CHODL: variants seen among roughly 807,000 people sequenced by gnomAD.
The protein encoded by CHODL is transmembrane protein MT75.
CHODL carries 29 observed loss-of-function variants against 34.5 expected under a neutral mutation model. The ratio of observed to expected loss-of-function variants is 0.84; its 90% confidence interval spans 0.63 to 1.15. The LOEUF is 1.15. Ranked by LOEUF, CHODL falls within the 50% of genes most tolerant of loss-of-function variation. The pLI is 0.00. For synonymous variants in CHODL, 125 were observed against 116.1 expected (o/e 1.08, Z -0.49); for missense variants, 332 against 332.5 (o/e 1.00, Z 0.01).
chr21:18,173,389 TA>T (rs2073255024), intron 2 of CHODL, among the ~76,000 whole-genome samples: 1 of 152,210 alleles, frequency 6.6e-6, no homozygotes, highest in South Asian at 2.1e-4. Context: ...CTACCTCCTA[TA>T]GTAAATTATA....
Position 18,109,738 on chromosome 21 carries a change from A to G in CHODL, c.-45+81767A>G, listed in dbSNP as rs186448329. Reference sequence around the variant, plus strand: ...GTCAGCAAGAGATTATTTCTCTTGCATGCAACAAAAATGGACAGAGAATGG... The same window carrying G: ...GTCAGCAAGAGATTATTTCTCTTGCGTGCAACAAAAATGGACAGAGAATGG... On this transcript the variant is annotated intron_variant, in intron 2 of 6. Coordinates refer to the CHODL transcript ENST00000400127. Among the ~76,000 whole-genome samples the G allele has an allele frequency of 4.2e-4, 64 of 152,292 alleles. 1 individual carries two copies. The East Asian group carries it at 0.011, about 25-fold the overall frequency.
At chr21:18,022,457 A>T (rs2064136737) in intron 1 of CHODL, 1 of 152,234 alleles carries the variant, frequency 6.6e-6, no homozygotes. Context: ...AAATGGGACA[A>T]GTTTTCAAAT....
rs2063569620 is a variant in CHODL, at chr21:17,966,019, A to G, written c.-145+48619A>G. On this transcript the variant is annotated intron_variant, in intron 1 of 6. Transcript: ENST00000400127. ...AAATTCCTATGTTCTTGTATATATC[A>G]CTATTGAAATATAATTTCTTAAATA... 2.0e-5 allele frequency among the ~76,000 whole-genome samples: 3 copies of G among 151,504 alleles called. 1 individual carries two copies. The highest frequency in any genetic ancestry group is 2.0e-4 in the Admixed American group (3 of 15,182).
chr21:17,937,467 C>T (rs966207025), intron 1 of CHODL, among the ~76,000 whole-genome samples: 9 of 152,208 alleles, frequency 5.9e-5, no homozygotes, highest in Non-Finnish European at 8.8e-5. Flanking sequence ...AGAAAGCTCA[C>T]GTTGAGGGTG....
At chr21:18,250,096 T>A (rs1408159162) in intron 1 of CHODL, among the ~76,000 whole-genome samples, 2 of 152,172 alleles carry the variant, frequency 1.3e-5, no homozygotes, top group Non-Finnish European at 2.9e-5. Flanking sequence ...ATTTGAGGCT[T>A]TTATTATTAG....
At chr21:17,926,780 T>C (rs1208021576) in intron 1 of CHODL, among the ~76,000 whole-genome samples, 2 of 152,164 alleles carry the variant, frequency 1.3e-5, no homozygotes, top group African/African-American at 4.8e-5. Flanking sequence ...ATCACCAAGT[T>C]ACTAAAGTGA....
Position 18,251,244 on chromosome 21 carries a change from G to A in CHODL, c.80-5265G>A, listed in dbSNP as rs182651423. On this transcript the variant is annotated intron_variant, in intron 1 of 5. Coordinates refer to ENST00000299295, the MANE Select transcript of CHODL (RefSeq NM_024944.3). ...AATCATCTACTTATTCATGGAAAGA[G>A]TGATGAAATCTTTGTTGTGACAGTG... Among the ~76,000 whole-genome samples, 828 of 150,482 alleles carry A rather than the reference G, an allele frequency of 5.5e-3. 6 individuals carry two copies. Among genetic ancestry groups the A allele is most frequent in the Admixed American group, 9.9e-3 (149 of 15,064 alleles).
chr21:18,110,013 G>T (rs982907465), intron 2 of CHODL, among the ~76,000 whole-genome samples: 5 of 152,184 alleles, frequency 3.3e-5, no homozygotes, highest in Admixed American at 2.6e-4. Context: ...AATGTGCTTT[G>T]CTGACAAGTC....
intron 2 of CHODL, among the ~76,000 whole-genome samples, chr21:18,163,396 TTTTG>T (rs1327955866): frequency 6.6e-6 from 1 of 152,142 alleles, no homozygotes; most frequent in African/African-American, 2.4e-5. Context: ...AATTAAACCA[TTTTG>T]TTTGTTCTTC....
intron 2 of CHODL, among the ~76,000 whole-genome samples, chr21:18,205,151 C>T (rs1044602304): frequency 6.6e-6 from 1 of 152,114 alleles, no homozygotes; most frequent in African/African-American, 2.4e-5. Context: ...AAGTGGGCCT[C>T]CTTGTGGTGT....
chr21:17,945,566 A>C (rs540838064), intron 1 of CHODL, among the ~76,000 whole-genome samples: 3 of 152,212 alleles, frequency 2.0e-5, no homozygotes, highest in Non-Finnish European at 2.9e-5. Context: ...GAGGAGTTAA[A>C]GAATGAAAAA....
chr21:18,201,905 C>T lies in CHODL; in HGVS notation c.-44-54604C>T, dbSNP rs377532518. On this transcript the variant is annotated intron_variant, in intron 2 of 6. Coordinates refer to the CHODL transcript ENST00000400127. ...CTGGAAGCTCCGCCTCCCGGGTTCC[C>T]GCCATTCTCCTGCCTCAGCCTCCTG... is the stretch of plus-strand genomic sequence containing the variant. 4.0e-5 allele frequency among the ~76,000 whole-genome samples: 6 copies of T among 150,900 alleles called. No homozygotes were observed. The East Asian group carries it at 1.2e-3, about 29-fold the overall frequency.
chr21:18,128,296 C>CAAAAAAAAAAAAAAAAAAAAAAAAAAAA (rs71189585), intron 2 of CHODL, among the ~76,000 whole-genome samples: 1 of 28,058 alleles, frequency 3.6e-5, no homozygotes, highest in Non-Finnish European at 6.2e-5. Context: ...GCAAGAGTCT[C>CAAAAAAAAAAAAAAAAAAAAAAAAAAAA]AAAAAAAAAA....
In CHODL at chr21:18,129,500, C is replaced by A. The variant is rs369163307; in HGVS notation, c.-45+101529C>A. Among the ~76,000 whole-genome samples, 74 of 152,038 alleles carry A rather than the reference C, an allele frequency of 4.9e-4. 1 individual carries two copies. In the South Asian group the frequency reaches 0.014, roughly 28 times the overall value. ...AGAGAGGAAAATGTGATGCAAGAGCCGCAGAGGAAATTCTATCAATTTGAA... is the reference window on the plus strand; with the variant it reads ...AGAGAGGAAAATGTGATGCAAGAGCAGCAGAGGAAATTCTATCAATTTGAA... On this transcript the variant is annotated intron_variant, in intron 2 of 6. Transcript: ENST00000400127.
At chr21:18,128,228 G>A (rs1267567510) in intron 2 of CHODL, among the ~76,000 whole-genome samples, 2 of 141,348 alleles carry the variant, frequency 1.4e-5, no homozygotes, top group African/African-American at 2.7e-5. Context: ...GTGAACCTGG[G>A]AGGTGGAGCT....
intron 1 of CHODL, among the ~76,000 whole-genome samples, chr21:18,012,895 T>C (rs887916711): frequency 6.6e-6 from 1 of 151,704 alleles, no homozygotes; most frequent in East Asian, 1.9e-4. Flanking sequence ...ATGGCTGGAG[T>C]GGTATTGCTG....
At chr21:18,210,995 A>G (rs529912296) in intron 2 of CHODL, among the ~76,000 whole-genome samples, 4 of 152,238 alleles carry the variant, frequency 2.6e-5, no homozygotes, top group East Asian at 3.9e-4. Flanking sequence ...TGTTCCAGCT[A>G]CACATTACTT....
chr21:18,238,950 A>G (rs1434185841), intron 2 of CHODL, among the ~76,000 whole-genome samples: 2 of 152,144 alleles, frequency 1.3e-5, no homozygotes, highest in Non-Finnish European at 1.5e-5. Flanking sequence ...ATAATTTTGT[A>G]GCTCTCTGAT....
chr21:18,139,983 G>T (rs2072782078), intron 2 of CHODL, among the ~76,000 whole-genome samples: 1 of 152,134 alleles, frequency 6.6e-6, no homozygotes, highest in Admixed American at 6.5e-5. Flanking sequence ...CTGAGTTTTT[G>T]TCCTGATCCA....
Sources: allele counts gnomAD v4.1 joint callset (sites outside exome capture counted in the v4.1 genomes callset), GRCh38; gene constraint gnomAD v4.1.1; transcripts MANE v1.5; gene names NCBI Gene and HGNC (gene_info 2026-07-23, HGNC 2026-07-21).